CAMKMT: variants seen among roughly 807,000 people sequenced by gnomAD.
The protein encoded by CAMKMT is calmodulin-lysine N-methyltransferase, also known as CaM KMT.
In CAMKMT, 53 loss-of-function variants were observed where a neutral mutation model predicts 48.0. The ratio of observed to expected loss-of-function variants is 1.10; its 90% CI spans 0.89 to 1.39. CAMKMT has a LOEUF of 1.39. Among genes scored for constraint, CAMKMT ranks in the 40% most tolerant of loss-of-function variants. The pLI, the probability that CAMKMT is intolerant of heterozygous loss-of-function variation, is 0.00. For synonymous variants in CAMKMT, 165 were observed against 152.3 expected (o/e 1.08, Z -0.61); for missense variants, 428 against 402.7 (o/e 1.06, Z -0.54).
intron 2 of CAMKMT, among the ~76,000 whole-genome samples, chr2:44,385,287 G>T (rs1451641001): frequency 2.0e-5 from 3 of 151,928 alleles, no homozygotes; most frequent in Non-Finnish European, 4.4e-5. Flanking sequence ...CTACTTGGTT[G>T]CCGTTGGTGT....
intron 7 of CAMKMT, among the ~76,000 whole-genome samples, chr2:44,735,878 A>G (rs1679329520): frequency 6.6e-6 from 1 of 152,014 alleles, no homozygotes; most frequent in Non-Finnish European, 1.5e-5. Flanking sequence ...ATGCTACTGT[A>G]CTCGAGCCTG....
chr2:44,430,468 TGCAGA>T (rs1326091040), intron 3 of CAMKMT, among the ~76,000 whole-genome samples: 1 of 151,420 alleles, frequency 6.6e-6, no homozygotes, highest in African/African-American at 2.4e-5. Flanking sequence ...CCCCCTTCAG[TGCAGA>T]GAATAGATGG....
At chr2:44,600,406 A>G (rs1425292195) in intron 3 of CAMKMT, among the ~76,000 whole-genome samples, 1 of 151,848 alleles carries the variant, frequency 6.6e-6, no homozygotes, top group Non-Finnish European at 1.5e-5. Flanking sequence ...AGCTGGGACT[A>G]CAGGTGCACA....
chr2:44,428,703 A>G (rs1456191678), intron 3 of CAMKMT, among the ~76,000 whole-genome samples: 1 of 152,296 alleles, frequency 6.6e-6, no homozygotes, highest in East Asian at 1.9e-4. Flanking sequence ...GTCTGTATGT[A>G]TGTATATATA....
At chr2:44,764,977 C>G (rs1026202898) in intron 9 of CAMKMT, among the ~76,000 whole-genome samples, 16 of 152,068 alleles carry the variant, frequency 1.1e-4, no homozygotes, top group Non-Finnish European at 1.9e-4. Context: ...AATCCCAGCA[C>G]TTTGGGAGGC....
chr2:44,559,470 T>A (rs757087665), intron 3 of CAMKMT, among the ~76,000 whole-genome samples: 2 of 152,234 alleles, frequency 1.3e-5, no homozygotes, highest in Non-Finnish European at 2.9e-5. Context: ...ATGACAGTCC[T>A]TCAAGTATTT....
intron 3 of CAMKMT, among the ~76,000 whole-genome samples, chr2:44,616,322 C>T (rs74699552): frequency 0.014 from 2,127 of 152,310 alleles, 29 homozygotes; most frequent in Non-Finnish European, 0.019. Flanking sequence ...TAGTTAGTCA[C>T]GTACCAACTT....
chr2:44,398,590 G>A (rs545295986), intron 3 of CAMKMT, among the ~76,000 whole-genome samples: 1 of 136,068 alleles, frequency 7.3e-6, no homozygotes, highest in African/African-American at 2.8e-5. Flanking sequence ...TTTGAGAAGT[G>A]CTGATTTTTG....
intron 3 of CAMKMT, among the ~76,000 whole-genome samples, chr2:44,460,562 A>C (rs918410819): frequency 9.2e-5 from 14 of 152,108 alleles, no homozygotes; most frequent in African/African-American, 3.4e-4. Context: ...CTTTCTGTTC[A>C]TTTAAAAACA....
chr2:44,440,772 C>G (rs1666605303), intron 3 of CAMKMT, among the ~76,000 whole-genome samples: 1 of 152,118 alleles, frequency 6.6e-6, no homozygotes, highest in African/African-American at 2.4e-5. Context: ...ATCACATACT[C>G]TTAGAATTCT....
intron 7 of CAMKMT, among the ~76,000 whole-genome samples, chr2:44,725,143 CGTGTGT>C (rs4039394): frequency 9.2e-5 from 13 of 140,552 alleles, no homozygotes; most frequent in Admixed American, 3.5e-4. Context: ...GCTTTCTGGA[CGTGTGT>C]GTGTGTGTGT....
intron 3 of CAMKMT, among the ~76,000 whole-genome samples, chr2:44,679,549 T>A (rs1229471033): frequency 2.0e-5 from 3 of 152,242 alleles, no homozygotes; most frequent in African/African-American, 7.2e-5. Context: ...CCATTAATGT[T>A]ATACCCTTGG....
intron 3 of CAMKMT, among the ~76,000 whole-genome samples, chr2:44,588,180 A>C (rs1669992702): frequency 8.1e-6 from 1 of 123,976 alleles, no homozygotes; most frequent in African/African-American, 3.1e-5. Context: ...CCGTCTGAGA[A>C]GTGAGGAAAC....
chr2:44,425,579 TA>T (rs200605670), intron 3 of CAMKMT, among the ~76,000 whole-genome samples: 1,785 of 152,334 alleles, frequency 0.012, 7 homozygotes, highest in Admixed American at 0.022. Context: ...ATCCTTCAAT[TA>T]TTTTTTTCTT....
At chr2:44,388,079 G>A (rs979871536) in intron 2 of CAMKMT, among the ~76,000 whole-genome samples, 2 of 152,052 alleles carry the variant, frequency 1.3e-5, no homozygotes, top group Admixed American at 6.6e-5. Flanking sequence ...TAGCAAGGCC[G>A]GGAAAATTTT....
At chr2:44,583,308 T>G (rs1419661061) in intron 3 of CAMKMT, among the ~76,000 whole-genome samples, 1 of 152,128 alleles carries the variant, frequency 6.6e-6, no homozygotes, top group African/African-American at 2.4e-5. Flanking sequence ...GAGCTCATGA[T>G]GAGAAAGATG....
At chr2:44,569,727 A>G (rs1042959787) in intron 3 of CAMKMT, among the ~76,000 whole-genome samples, 4 of 151,980 alleles carry the variant, frequency 2.6e-5, no homozygotes, top group Non-Finnish European at 5.9e-5. Context: ...TCTTTCCTCT[A>G]TTTCCTCTGT....
At chr2:44,493,808 C>T (rs698823) in intron 3 of CAMKMT, among the ~76,000 whole-genome samples, 94,712 of 151,970 alleles carry the variant, frequency 0.62, 30,145 homozygotes, top group Admixed American at 0.69. Flanking sequence ...ATTGTAATGA[C>T]TAAGTGCATA....
intron 1 of CAMKMT, among the ~76,000 whole-genome samples, chr2:44,369,015 AC>A (rs1678901118): frequency 6.6e-6 from 1 of 151,974 alleles, no homozygotes; most frequent in African/African-American, 2.4e-5. Flanking sequence ...CCTCTCAAGA[AC>A]CTGGGATTAC....
Sources: allele counts gnomAD v4.1 joint callset (sites outside exome capture counted in the v4.1 genomes callset), GRCh38; gene constraint gnomAD v4.1.1; transcripts MANE v1.5; gene names NCBI Gene and HGNC (gene_info 2026-07-23, HGNC 2026-07-21).